GRM5: variants seen among roughly 807,000 people sequenced by gnomAD.
The protein encoded by GRM5 is metabotropic glutamate receptor 5.
GRM5 carries 19 observed loss-of-function variants against 83.1 expected under a neutral mutation model. The ratio of observed to expected loss-of-function variants is 0.23; its 90% CI spans 0.16 to 0.34. The LOEUF is 0.34. GRM5 is among the 10% of genes least tolerant of loss of function. GRM5 has a pLI of 1.00. For synonymous variants in GRM5, 675 were observed against 633.6 expected (o/e 1.07, Z -0.98); for missense variants, 1,160 against 1,588.3 (o/e 0.73, Z 4.58).
chr11:88,531,100 G>T (rs1941997630), intron 8 of GRM5, among the ~76,000 whole-genome samples: 1 of 152,136 alleles, frequency 6.6e-6, no homozygotes, highest in Admixed American at 6.6e-5. Flanking sequence ...TCTAAATTCA[G>T]TCAGAGCTTT....
At chr11:88,685,670 G>A (rs1018540613) in intron 3 of GRM5, among the ~76,000 whole-genome samples, 6 of 150,970 alleles carry the variant, frequency 4.0e-5, no homozygotes, top group Admixed American at 6.6e-5. Context: ...GCAGGCTAAC[G>A]ACTTGGTGTC....
rs1227220030 is a variant in GRM5, at chr11:88,527,826, A to C, written c.2631-2422T>G. Among the ~76,000 whole-genome samples the C allele has an allele frequency of 2.6e-5, 4 of 152,218 alleles. No homozygotes were observed. In the East Asian group the frequency reaches 5.8e-4, roughly 22 times the overall value. On this transcript the variant is annotated intron_variant, in intron 8 of 9. Coordinates refer to ENST00000305447, the MANE Select transcript of GRM5 (RefSeq NM_001143831.3). ...AGGAGGGCATTATCCTAACCAAACT[A>C]ATGGAGAAACAGAAAACCAAGTACT...
intron 2 of GRM5, among the ~76,000 whole-genome samples, chr11:88,899,694 A>G (rs1305870387): frequency 1.3e-5 from 2 of 152,004 alleles, no homozygotes; most frequent in Non-Finnish European, 2.9e-5. Context: ...TCCTGAAAAA[A>G]AAATCTGAAG....
chr11:88,730,270 A>G (rs1941777892), intron 3 of GRM5, among the ~76,000 whole-genome samples: 1 of 152,246 alleles, frequency 6.6e-6, no homozygotes, highest in African/African-American at 2.4e-5. Flanking sequence ...AACATATAAA[A>G]AAAGCTCATC....
intron 1 of GRM5, among the ~76,000 whole-genome samples, chr11:89,064,884 C>T (rs376346802): frequency 1.6e-5 from 1 of 62,660 alleles, no homozygotes; most frequent in Admixed American, 1.4e-4. Flanking sequence ...CTCTCTCTCT[C>T]TCTCTGTGTG....
chr11:88,811,292 G>C (rs941932474), intron 3 of GRM5, among the ~76,000 whole-genome samples: 1 of 151,996 alleles, frequency 6.6e-6, no homozygotes, highest in Admixed American at 6.6e-5. Flanking sequence ...CTTTGTGACA[G>C]TTTGGAGAAA....
chr11:88,704,765 AT>A (rs960137795), intron 3 of GRM5, among the ~76,000 whole-genome samples: 21 of 151,344 alleles, frequency 1.4e-4, no homozygotes, highest in Middle Eastern at 3.4e-3. Flanking sequence ...TTCATGGAGG[AT>A]TTTTTTTTCT....
At chr11:88,669,477 TA>T (rs1258272982) in intron 3 of GRM5, among the ~76,000 whole-genome samples, 1 of 151,914 alleles carries the variant, frequency 6.6e-6, no homozygotes, top group Non-Finnish European at 1.5e-5. Context: ...GCAAGTTTAA[TA>T]AGGAAAGAAA....
At chr11:88,557,913 G>T (rs988901618) in intron 8 of GRM5, among the ~76,000 whole-genome samples, 1 of 152,024 alleles carries the variant, frequency 6.6e-6, no homozygotes, top group Non-Finnish European at 1.5e-5. Flanking sequence ...TTCAACTCAA[G>T]TGTCACCTTT....
At chr11:88,887,878 C>T (rs12363229) in intron 2 of GRM5, among the ~76,000 whole-genome samples, 2,874 of 152,060 alleles carry the variant, frequency 0.019, 47 homozygotes, top group East Asian at 0.067. Context: ...AAAATGAATC[C>T]AGCTCTTTTA....
intron 2 of GRM5, among the ~76,000 whole-genome samples, chr11:88,899,248 G>C (rs1355447195): frequency 6.6e-6 from 1 of 151,830 alleles, no homozygotes; most frequent in Non-Finnish European, 1.5e-5. Flanking sequence ...ATTCCATCAA[G>C]CAGAGGGTAT....
At chr11:89,008,961 A>G in intron 2 of GRM5, 1 of 586,406 alleles carries the variant, frequency 1.7e-6, no homozygotes, top group Middle Eastern at 2.6e-4. Context: ...TAAAAACATA[A>G]CTGACAAGTG....
intron 8 of GRM5, among the ~76,000 whole-genome samples, chr11:88,530,930 A>G (rs937799622): frequency 6.6e-6 from 1 of 152,074 alleles, no homozygotes; most frequent in African/African-American, 2.4e-5. Context: ...ACTGGGGGGA[A>G]GAAAGAAGCT....
rs944226914 is a variant in GRM5, at chr11:88,956,179, GAATA to G, written c.661+91029_661+91032del. Among the ~76,000 whole-genome samples the G allele has an allele frequency of 7.9e-5, 12 of 152,170 alleles. No homozygotes were observed. The South Asian group carries it at 1.0e-3, about 13-fold the overall frequency. On this transcript the variant is annotated intron_variant, in intron 2 of 9. Transcript: ENST00000305447. ...TCCCCTCAGCTTGAAAATTTTGTCG[GAATA>G]AATAATCACCTAACACTCTGCCTTC...
At chr11:88,647,800 T>C (rs542226384) in intron 4 of GRM5, among the ~76,000 whole-genome samples, 458 of 152,046 alleles carry the variant, frequency 3.0e-3, no homozygotes, top group African/African-American at 0.011. Context: ...CTCAAACAAA[T>C]TTACAAGGAA....
intron 3 of GRM5, among the ~76,000 whole-genome samples, chr11:88,818,138 AAAAAT>A (rs1210356943): frequency 6.6e-6 from 1 of 152,142 alleles, no homozygotes; most frequent in East Asian, 1.9e-4. Flanking sequence ...TAAAAAAAGA[AAAAAT>A]AAAAATGAAT....
At chr11:88,984,660 A>G (rs1387161262) in intron 2 of GRM5, 1 of 467,744 alleles carries the variant, frequency 2.1e-6, no homozygotes, top group East Asian at 3.3e-5. Flanking sequence ...TTCACTTTAA[A>G]CTTGTAAGAC....
At chr11:88,586,578 G>T (rs1478002669) in intron 7 of GRM5, among the ~76,000 whole-genome samples, 1 of 152,108 alleles carries the variant, frequency 6.6e-6, no homozygotes, top group East Asian at 1.9e-4. Flanking sequence ...CCTAAAACTG[G>T]CCCCAAGCCT....
At chr11:88,509,861 G>A (rs1042955823) in intron 9 of GRM5, among the ~76,000 whole-genome samples, 11 of 152,166 alleles carry the variant, frequency 7.2e-5, no homozygotes, top group Admixed American at 7.2e-4. Flanking sequence ...TGTCCCGGCT[G>A]TGTGCACAAG....
Sources: allele counts gnomAD v4.1 joint callset (sites outside exome capture counted in the v4.1 genomes callset), GRCh38; gene constraint gnomAD v4.1.1; transcripts MANE v1.5; gene names NCBI Gene and HGNC (gene_info 2026-07-23, HGNC 2026-07-21).